The following PPP1CB variants were observed in gnomAD, a reference collection of about 807,000 sequenced individuals.
The protein encoded by PPP1CB is protein phosphatase 1 catalytic subunit beta.
A neutral mutation model predicts 43.7 loss-of-function variants in PPP1CB; 2 were observed. The ratio of observed to expected loss-of-function variants is 0.05; its 90% CI spans 0.02 to 0.14. The LOEUF is 0.14. Among genes scored for constraint, PPP1CB ranks in the 10% least tolerant of loss-of-function variants. The pLI is 1.00. For synonymous variants in PPP1CB, 136 were observed against 135.6 expected (o/e 1.00, Z -0.02); for missense variants, 84 against 398.0 (o/e 0.21, Z 6.71).
At chr2:28,772,829 A>G (rs930065505) in intron 1 of PPP1CB, among the ~76,000 whole-genome samples, 2 of 152,082 alleles carry the variant, frequency 1.3e-5, no homozygotes, top group African/African-American at 4.8e-5. Context: ...TCATATTAGC[A>G]CTAAAAAAGG....
At chr2:28,759,812 T>C (rs1666598536) in intron 1 of PPP1CB, among the ~76,000 whole-genome samples, 1 of 151,950 alleles carries the variant, frequency 6.6e-6, no homozygotes, top group Non-Finnish European at 1.5e-5. Flanking sequence ...AGAGACGGGG[T>C]TTCACCGTGT....
At chr2:28,777,185 A>G in intron 2 of PPP1CB, 1 of 386,072 alleles carries the variant, frequency 2.6e-6, no homozygotes, top group South Asian at 4.7e-5. Flanking sequence ...TCAACAGATA[A>G]AAGGAGTTCT....
chr2:28,780,383 G>A (rs1246568158), intron 3 of PPP1CB, among the ~76,000 whole-genome samples: 3 of 152,084 alleles, frequency 2.0e-5, no homozygotes, highest in East Asian at 1.9e-4. Context: ...GAGCCACGGC[G>A]CCCAGCCATG....
intron 5 of PPP1CB, 124 bp downstream of exon 5, chr2:28,784,102 G>T: frequency 1.6e-6 from 1 of 626,124 alleles, no homozygotes. Context: ...TAGTCAATAA[G>T]CCAGCTACAG....
At position 28,760,828 on chromosome 2, in the gene PPP1CB, A is replaced by C. The variant is rs868108893; in HGVS notation, c.52+8652A>C. On this transcript the variant is annotated intron_variant, in intron 1 of 7. Transcript: ENST00000395366. ...TTATAGGTACTTGTATGTTTCCTCAATGTGGTTTGAATTGAGCGTTTTATT... is the reference window on the plus strand; with the variant it reads ...TTATAGGTACTTGTATGTTTCCTCACTGTGGTTTGAATTGAGCGTTTTATT... Among the ~76,000 whole-genome samples, 3 of 152,202 alleles carry C rather than the reference A, an allele frequency of 2.0e-5. No individual in the cohort carries two copies. The East Asian group carries it at 5.8e-4, about 29-fold the overall frequency.
intron 2 of PPP1CB, among the ~76,000 whole-genome samples, chr2:28,777,604 C>T (rs1351261526): frequency 2.6e-5 from 4 of 152,092 alleles, no homozygotes; most frequent in Non-Finnish European, 4.4e-5. Context: ...TTGTACAGTG[C>T]CCAGCAAATA....
At chr2:28,797,374 C>T (rs1667518527) in intron 7 of PPP1CB, among the ~76,000 whole-genome samples, 1 of 152,040 alleles carries the variant, frequency 6.6e-6, no homozygotes, top group Non-Finnish European at 1.5e-5. Context: ...TGATATAATT[C>T]AGCTGTGAAT....
intron 1 of PPP1CB, among the ~76,000 whole-genome samples, chr2:28,773,233 T>C (rs1490456635): frequency 6.6e-6 from 1 of 152,226 alleles, no homozygotes; most frequent in African/African-American, 2.4e-5. Context: ...GTATGGTAGA[T>C]ATTTGCTATC....
rs114802424 is a variant in PPP1CB at position 28,784,096 on chromosome 2, C to T, written c.592+118C>T. 14,888 of 677,784 alleles carry T rather than the reference C, an allele frequency of 0.022. 219 individuals are homozygous for T. Among genetic ancestry groups the T allele is most frequent in the Non-Finnish European group, 0.027 (11,109 of 405,762 alleles). 42.0% of individuals were successfully genotyped at this position (677,784 alleles called of 1,614,324 possible). On this transcript the variant is annotated intron_variant, in intron 5 of 7. Transcript: ENST00000395366. ...TAAATAAAAGAGCTTTTTTCATAGT[C>T]AATAAGCCAGCTACAGATTACTTTA...
intron 3 of PPP1CB, 40 bp from the exon 4 acceptor site, chr2:28,781,698 T>A: frequency 7.2e-7 from 1 of 1,383,786 alleles, no homozygotes. Context: ...ATGAGAACAG[T>A]TTTAGATTTT....
At chr2:28,780,523 TACA>T (rs1358867621) in intron 3 of PPP1CB, among the ~76,000 whole-genome samples, 1 of 152,218 alleles carries the variant, frequency 6.6e-6, no homozygotes, top group Admixed American at 6.5e-5. Flanking sequence ...TACATCAAAC[TACA>T]ACATTCTTCC....
chr2:28,782,954 A>T (rs1207046455), intron 4 of PPP1CB: 1 of 152,250 alleles, frequency 6.6e-6, no homozygotes, highest in Non-Finnish European at 1.5e-5. Flanking sequence ...AATGAATTGT[A>T]GTTCTTGTAC....
At chr2:28,758,088 C>T (rs898446417) in intron 1 of PPP1CB, among the ~76,000 whole-genome samples, 15 of 150,390 alleles carry the variant, frequency 1.0e-4, no homozygotes, top group East Asian at 3.9e-4. Flanking sequence ...CTCTGTCACC[C>T]GGTTGGAGTG....
intron 1 of PPP1CB, among the ~76,000 whole-genome samples, chr2:28,768,673 A>G (rs1254694242): frequency 6.6e-6 from 1 of 152,232 alleles, no homozygotes; most frequent in Admixed American, 6.5e-5. Context: ...GCTGCTGCTA[A>G]AAGGAAACAG....
rs558704395 is a variant in PPP1CB at position 28,788,755 on chromosome 2, A to G, written c.690A>G (p.Val230=). ...RGVSFTFGAD[V]VSKFLNRHDL... is the part of the protein sequence containing the mutation. Reference sequence around the variant, plus strand: ...TTTCCTTTACTTTTGGAGCTGATGTAGTCAGTAAATTTCTGAATCGTCATG... The same window carrying G: ...TTTCCTTTACTTTTGGAGCTGATGTGGTCAGTAAATTTCTGAATCGTCATG... Residue 230 remains valine, a synonymous_variant, in exon 6 of 8, where the codon GTA becomes GTG. Transcript: ENST00000395366. 2.5e-6 allele frequency: 4 copies of G among 1,613,702 alleles called. No homozygotes were observed. The highest frequency in any genetic ancestry group is 2.7e-5 in the African/African-American group (2 of 75,030).
chr2:28,793,458 G>T (rs1440735251), intron 6 of PPP1CB, among the ~76,000 whole-genome samples: 1 of 152,092 alleles, frequency 6.6e-6, no homozygotes, highest in African/African-American at 2.4e-5. Flanking sequence ...CCTCATCAAA[G>T]TAATAATTGA....
chr2:28,787,941 A>G (rs771736716), intron 5 of PPP1CB, among the ~76,000 whole-genome samples: 31 of 152,176 alleles, frequency 2.0e-4, no homozygotes, highest in African/African-American at 6.5e-4. Flanking sequence ...CAGGGCTCCA[A>G]ACATTACCAA....
rs143635709 is a variant in PPP1CB at position 28,795,237 on chromosome 2, A to T, written c.879+1240A>T. ...TATATGTACCACATTTTCTTTATCC[A>T]GTTCACTGTTGATGGACATCTAGGT... On this transcript the variant is annotated intron_variant, in intron 7 of 7. Transcript: ENST00000395366. 3.9e-3 allele frequency among the ~76,000 whole-genome samples: 587 copies of T among 152,314 alleles called. 4 individuals are homozygous for T. The highest frequency in any genetic ancestry group is 0.013 in the African/African-American group (558 of 41,542).
chr2:28,769,300 G>C (rs1291439171), intron 1 of PPP1CB, among the ~76,000 whole-genome samples: 6 of 152,144 alleles, frequency 3.9e-5, no homozygotes, highest in Admixed American at 3.3e-4. Context: ...GCAATGGCGT[G>C]ATCTTGGCTA....
Sources: allele counts gnomAD v4.1 joint callset (sites outside exome capture counted in the v4.1 genomes callset), GRCh38; gene constraint gnomAD v4.1.1; transcripts MANE v1.5; gene names NCBI Gene and HGNC (gene_info 2026-07-23, HGNC 2026-07-21).